AFF2: variants seen among roughly 807,000 people sequenced by gnomAD.
AFF2 encodes ALF transcription elongation factor 2, also known as AF4/FMR2 family member 2.
AFF2 carries 14 observed loss-of-function variants against 76.9 expected under a neutral mutation model. That is an observed-to-expected ratio of 0.18 (90% CI 0.12 to 0.28). The LOEUF is 0.28. Ranked by LOEUF, AFF2 falls within the 10% of genes least tolerant of loss-of-function variation. AFF2 has a pLI of 1.00. For synonymous variants in AFF2, 398 were observed against 366.7 expected, an observed-to-expected ratio of 1.09 and a Z score of -0.98; for missense variants, 868 against 1,001.1, an observed-to-expected ratio of 0.87 and a Z score of 1.79.
chrX:148,776,495 A>G lies in AFF2; in HGVS notation c.1042-33381A>G, dbSNP rs139705391. Among the ~76,000 whole-genome samples, 175 of 111,988 alleles carry G rather than the reference A, an allele frequency of 1.6e-3. 3 individuals carry two copies. The East Asian group carries it at 0.044, about 28-fold the overall frequency. On this transcript the variant is annotated intron_variant, in intron 3 of 20. Transcript: ENST00000370460. ...CCACCAACAGTGTAAAAGCATTCCT[A>G]TTTCTCCACACTCTCTCCAGCATCT...
intron 1 of AFF2, among the ~76,000 whole-genome samples, chrX:148,616,946 G>T (rs2053813229): frequency 9.0e-6 from 1 of 111,454 alleles, no homozygotes; most frequent in African/African-American, 3.3e-5. Context: ...GTGTATATGT[G>T]CCACATTTTC....
At chrX:148,707,878 A>G (rs1190491665) in intron 3 of AFF2, among the ~76,000 whole-genome samples, 7 of 112,063 alleles carry the variant, frequency 6.2e-5, no homozygotes, top group African/African-American at 1.6e-4. Context: ...TATTCTAAGA[A>G]TAGCTCATAT....
chrX:148,751,756 G>T (rs782647564), intron 3 of AFF2, among the ~76,000 whole-genome samples: 14 of 111,825 alleles, frequency 1.3e-4, no homozygotes, highest in Admixed American at 7.6e-4. Context: ...TAGGCCTCAT[G>T]GATTCTGCCT....
intron 3 of AFF2, among the ~76,000 whole-genome samples, chrX:148,768,448 C>T (rs1006863834): frequency 3.6e-5 from 4 of 110,773 alleles, no homozygotes; most frequent in South Asian, 3.9e-4. Flanking sequence ...GGCCTTCAGA[C>T]GTGAAGCCTG....
At chrX:148,855,131 C>T (rs1363359055) in intron 7 of AFF2, among the ~76,000 whole-genome samples, 1 of 111,403 alleles carries the variant, frequency 9.0e-6, no homozygotes, top group Non-Finnish European at 1.9e-5. Flanking sequence ...ATTCTCACCA[C>T]CTAGTGGTGG....
chrX:148,834,395 G>A (rs965467253), intron 4 of AFF2, among the ~76,000 whole-genome samples: 11 of 110,933 alleles, frequency 9.9e-5, no homozygotes, highest in South Asian at 3.9e-4. Context: ...TCAGTTGCCC[G>A]TTGGGAATAT....
chrX:148,924,606 T>C (rs7062833), intron 9 of AFF2, among the ~76,000 whole-genome samples: 5,477 of 111,932 alleles, frequency 0.049, 324 homozygotes, highest in African/African-American at 0.17. Flanking sequence ...GTAGGGAATT[T>C]CAAAATGAGG....
chrX:148,823,249 A>G (rs911527021), intron 4 of AFF2, among the ~76,000 whole-genome samples: 36 of 111,232 alleles, frequency 3.2e-4, no homozygotes, highest in Non-Finnish European at 5.3e-4. Flanking sequence ...GTGACACTGG[A>G]CCAGACATCA....
chrX:148,537,471 C>G (rs912083681), intron 1 of AFF2, among the ~76,000 whole-genome samples: 13 of 111,119 alleles, frequency 1.2e-4, no homozygotes, highest in African/African-American at 3.9e-4. Context: ...GATGAGAGAG[C>G]CTGCTCTGTG....
At chrX:148,554,528 T>C (rs782209310) in intron 1 of AFF2, among the ~76,000 whole-genome samples, 1 of 112,035 alleles carries the variant, frequency 8.9e-6, no homozygotes, top group South Asian at 3.8e-4. Flanking sequence ...CCCATCACAG[T>C]CTCAATCCTG....
chrX:148,519,559 A>G (rs2052573602), intron 1 of AFF2, among the ~76,000 whole-genome samples: 1 of 112,218 alleles, frequency 8.9e-6, no homozygotes, highest in Non-Finnish European at 1.9e-5. Context: ...AATCTAAACT[A>G]TTCTTGTGCT....
intron 1 of AFF2, among the ~76,000 whole-genome samples, chrX:148,538,218 C>A (rs1557236896): frequency 1.8e-5 from 2 of 112,735 alleles, no homozygotes; most frequent in African/African-American, 6.4e-5. Flanking sequence ...TTGGATGTTT[C>A]CCTGTGTGTA....
At chrX:148,520,551 C>T (rs781884896) in intron 1 of AFF2, among the ~76,000 whole-genome samples, 6 of 111,838 alleles carry the variant, frequency 5.4e-5, no homozygotes, top group Non-Finnish European at 9.4e-5. Flanking sequence ...AACACTGGCC[C>T]AGCTGTTCTT....
chrX:148,786,199 T>C (rs1557269503), intron 3 of AFF2, among the ~76,000 whole-genome samples: 1 of 111,882 alleles, frequency 8.9e-6, no homozygotes, highest in African/African-American at 3.3e-5. Flanking sequence ...CCTGCACTGC[T>C]GTTGCCTCCC....
chrX:148,969,765 G>T (rs782021446), intron 15 of AFF2, among the ~76,000 whole-genome samples: 3 of 108,319 alleles, frequency 2.8e-5, no homozygotes, highest in African/African-American at 7.1e-5. Context: ...TGGTGGTGGT[G>T]GGGGGGTGAT....
chrX:148,631,428 C>CG (rs1410701759), intron 1 of AFF2, among the ~76,000 whole-genome samples: 1 of 60 alleles, frequency 0.017, no homozygotes, highest in Admixed American at 0.17. Flanking sequence ...GGGCAATGCG[C>CG]AACCTGACTG....
intron 3 of AFF2, among the ~76,000 whole-genome samples, chrX:148,704,492 TTA>T (rs1557262239): frequency 1.1e-5 from 1 of 88,415 alleles, no homozygotes; most frequent in African/African-American, 4.4e-5. Context: ...ATATATATAT[TTA>T]TATATATGTG....
At chrX:148,978,479 A>G (rs1277007448) in intron 18 of AFF2, 24 bp downstream of exon 18, 18 of 1,012,624 alleles carry the variant, frequency 1.8e-5, no homozygotes, top group East Asian at 3.0e-5. Flanking sequence ...TGTATAATTT[A>G]TAGGTACAGG....
chrX:148,836,292 ATACT>A (rs1480248175), intron 4 of AFF2, among the ~76,000 whole-genome samples: 1 of 112,080 alleles, frequency 8.9e-6, no homozygotes, highest in Admixed American at 9.5e-5. Flanking sequence ...TGTCAGAATA[ATACT>A]TACAAATTCT....
Sources: allele counts gnomAD v4.1 joint callset (sites outside exome capture counted in the v4.1 genomes callset), GRCh38; gene constraint gnomAD v4.1.1; transcripts MANE v1.5; gene names NCBI Gene and HGNC (gene_info 2026-07-23, HGNC 2026-07-21).